COL4A6: variants seen among roughly 807,000 people sequenced by gnomAD.
The protein encoded by COL4A6 is collagen type IV alpha 6 chain.
A neutral mutation model predicts 126.7 loss-of-function variants in COL4A6; 59 were observed. The observed-to-expected ratio is 0.47, with a 90% CI of 0.38 to 0.58. COL4A6 has a LOEUF of 0.58. Among genes scored for constraint, COL4A6 ranks in the 20% least tolerant of loss-of-function variants. The pLI is 0.00. For synonymous variants in COL4A6, 547 were observed against 496.6 expected (o/e 1.10, Z -1.35); for missense variants, 1,285 against 1,337.3 (o/e 0.96, Z 0.61).
At chrX:108,240,162 GA>G (rs1165026302) in intron 3 of COL4A6, among the ~76,000 whole-genome samples, 1 of 111,520 alleles carries the variant, frequency 9.0e-6, no homozygotes, top group Non-Finnish European at 1.9e-5. Context: ...AGAATCATTT[GA>G]ACCCGGGAGG....
chrX:108,360,950 G>C (rs779819402), intron 2 of COL4A6, among the ~76,000 whole-genome samples: 11 of 110,846 alleles, frequency 9.9e-5, no homozygotes, highest in Non-Finnish European at 1.9e-4. Flanking sequence ...GGAAATTAGC[G>C]TGGGGCAGAT....
At chrX:108,378,786 T>C (rs1270967874) in intron 2 of COL4A6, among the ~76,000 whole-genome samples, 10 of 113,407 alleles carry the variant, frequency 8.8e-5, no homozygotes, top group Non-Finnish European at 1.9e-5. Flanking sequence ...CTGGGCCAAA[T>C]CTTGATGCTA....
At chrX:108,399,117 T>C (rs948266419) in intron 2 of COL4A6, among the ~76,000 whole-genome samples, 1 of 111,306 alleles carries the variant, frequency 9.0e-6, no homozygotes, top group Non-Finnish European at 1.9e-5. Context: ...GTAGGTAGTA[T>C]GAAATAAAGC....
rs1244520336 is a variant in COL4A6 at position 108,216,358 on chromosome X, C to A, written c.325-2130G>T. Among the ~76,000 whole-genome samples the A allele has an allele frequency of 2.7e-5, 3 of 111,987 alleles. No individual in the cohort carries two copies. The Admixed American group carries it at 2.8e-4, about 11-fold the overall frequency. Reference sequence around the variant, plus strand: ...GTGCTCCAATCCCACTGTTTCCCTTCCCCAGCTTGAGCCTCAGTTCCCTCA... The same window carrying A: ...GTGCTCCAATCCCACTGTTTCCCTTACCCAGCTTGAGCCTCAGTTCCCTCA... On this transcript the variant is annotated intron_variant, in intron 5 of 44. Transcript: ENST00000334504.
chrX:108,240,885 T>C (rs2036554435), intron 3 of COL4A6, among the ~76,000 whole-genome samples: 1 of 112,002 alleles, frequency 8.9e-6, no homozygotes. Context: ...GCTAATGTTT[T>C]CTACAATCCC....
chrX:108,215,634 A>G (rs1407117696), intron 5 of COL4A6, among the ~76,000 whole-genome samples: 1 of 111,112 alleles, frequency 9.0e-6, no homozygotes, highest in Non-Finnish European at 1.9e-5. Flanking sequence ...AGAAAGACAC[A>G]GGTTATTTAT....
intron 2 of COL4A6, among the ~76,000 whole-genome samples, chrX:108,407,595 A>G (rs1378565899): frequency 8.9e-6 from 1 of 112,298 alleles, no homozygotes; most frequent in East Asian, 2.8e-4. Flanking sequence ...ATAATCTACC[A>G]GGCAATCTTT....
At chrX:108,432,155 C>T (rs1343813078) in intron 2 of COL4A6, among the ~76,000 whole-genome samples, 1 of 112,277 alleles carries the variant, frequency 8.9e-6, no homozygotes, top group African/African-American at 3.2e-5. Flanking sequence ...TGGATGCACA[C>T]AATTACCAAC....
intron 2 of COL4A6, among the ~76,000 whole-genome samples, chrX:108,361,396 C>T: frequency 9.0e-6 from 1 of 111,696 alleles, no homozygotes; most frequent in Non-Finnish European, 1.9e-5. Flanking sequence ...ATTTATCTGA[C>T]TCAGGAAGCC....
chrX:108,366,587 G>T (rs2040201896), intron 2 of COL4A6, among the ~76,000 whole-genome samples: 1 of 111,997 alleles, frequency 8.9e-6, no homozygotes, highest in Non-Finnish European at 1.9e-5. Context: ...GTATGTTAAA[G>T]AAGAATGAAA....
chrX:108,351,684 A>C (rs1418946818), intron 2 of COL4A6, among the ~76,000 whole-genome samples: 1 of 111,536 alleles, frequency 9.0e-6, no homozygotes, highest in Admixed American at 9.6e-5. Context: ...TTCAACAGGA[A>C]GCTTTGCTTG....
At chrX:108,284,242 T>C (rs2037938865) in intron 3 of COL4A6, among the ~76,000 whole-genome samples, 1 of 108,091 alleles carries the variant, frequency 9.3e-6, no homozygotes, top group Admixed American at 1.0e-4. Flanking sequence ...GTTCTCACTC[T>C]TAAGTGGGAG....
At chrX:108,287,917 T>A (rs1000226689) in intron 3 of COL4A6, among the ~76,000 whole-genome samples, 19 of 111,753 alleles carry the variant, frequency 1.7e-4, no homozygotes, top group African/African-American at 5.2e-4. Context: ...ATCATAGGGC[T>A]CACCTTGTTA....
chrX:108,163,149 TC>T, intron 40 of COL4A6, 111 bp from the exon 41 acceptor site: 1 of 652,470 alleles, frequency 1.5e-6, no homozygotes, highest in Non-Finnish European at 2.3e-6. Flanking sequence ...ATCCTGTTTG[TC>T]CCCACAGGAT....
chrX:108,309,186 T>C (rs1250475172), intron 3 of COL4A6, among the ~76,000 whole-genome samples: 1 of 111,162 alleles, frequency 9.0e-6, no homozygotes, highest in Non-Finnish European at 1.9e-5. Context: ...ACTGCTTGCA[T>C]GTTATTCAAG....
At chrX:108,281,617 A>C (rs1363407577) in intron 3 of COL4A6, among the ~76,000 whole-genome samples, 170 of 111,734 alleles carry the variant, frequency 1.5e-3, no homozygotes, top group African/African-American at 5.2e-3. Context: ...GCTACCAACG[A>C]CTTTCTTCAC....
chrX:108,211,608 T>C (rs1486031348), intron 7 of COL4A6, 64 bp downstream of exon 7: 29 of 1,016,450 alleles, frequency 2.9e-5, no homozygotes, highest in Non-Finnish European at 3.9e-5. Context: ...TCACTGGAGG[T>C]GGGGCCCAAT....
At chrX:108,267,641 AT>A (rs1389444837) in intron 3 of COL4A6, 1 of 103,965 alleles carries the variant, frequency 9.6e-6, no homozygotes, top group Non-Finnish European at 2.0e-5. Flanking sequence ...ACACACATGT[AT>A]ATACATACAT....
chrX:108,157,142 T>C lies in COL4A6; in HGVS notation c.4931A>G (p.Tyr1644Cys). The change falls in exon 45 of 45, where the codon TAC becomes TGC. Residue 1644 changes from tyrosine (Y) to cysteine (C), a missense_variant. Coordinates refer to ENST00000334504, the MANE Select transcript of COL4A6 (RefSeq NM_033641.4). ...ECSGARGTCH[Y>C]FANKYSFWLT... ...CCAGAAACTGTACTTGTTTGCAAAG[T>C]AGTGGCAGGTGCCTCGGGCACCACT... 1.7e-6 allele frequency: 2 copies of C among 1,211,789 alleles called. No individual in the cohort carries two copies. The highest frequency in any genetic ancestry group is 2.2e-6 in the Non-Finnish European group (2 of 895,467).
Sources: allele counts gnomAD v4.1 joint callset (sites outside exome capture counted in the v4.1 genomes callset), GRCh38; gene constraint gnomAD v4.1.1; transcripts MANE v1.5; gene names NCBI Gene and HGNC (gene_info 2026-07-23, HGNC 2026-07-21).